The following GRP variants were observed in gnomAD, a reference collection of about 807,000 sequenced individuals.
GRP encodes the protein gastrin-releasing peptide.
A neutral mutation model predicts 12.7 loss-of-function variants in GRP; 11 were observed. That is an observed-to-expected ratio of 0.87 (90% CI 0.55 to 1.44). The LOEUF is 1.44. GRP is among the 40% of genes most tolerant of loss of function. GRP has a pLI of 0.00. For missense variants in GRP, 212 were observed against 185.4 expected (o/e 1.14, Z -0.83); for synonymous variants, 84 against 77.7 (o/e 1.08, Z -0.43).
chr18:59,222,769 A>G (rs1004081038), intron 1 of GRP, among the ~76,000 whole-genome samples: 1 of 152,270 alleles, frequency 6.6e-6, no homozygotes, highest in African/African-American at 2.4e-5. Context: ...TGAGAGAAGC[A>G]TGGTGCAGCA....
chr18:59,220,317 G>A lies in GRP; in HGVS notation c.52G>A (p.Ala18Thr). 6.7e-7 allele frequency: 1 copy of A among 1,500,712 alleles called. No individual in the cohort carries two copies. The highest frequency in any genetic ancestry group is 2.1e-5 in the Admixed American group (1 of 47,302). 93.0% of individuals were successfully genotyped at this position (1,500,712 alleles called of 1,614,324 possible). A position where few individuals can be genotyped will look rare whatever the true frequency, so the allele number is the denominator to read the frequency against. ...CCTGCTGGCGCTGGTCCTCTGCCTGGCGCCCCGGGGGCGAGCGGTCCCGCT... is the reference window on the plus strand; with the variant it reads ...CCTGCTGGCGCTGGTCCTCTGCCTGACGCCCCGGGGGCGAGCGGTCCCGCT... ...LVLLALVLCLAPRGRAVPLPA... is the reference protein window; with the variant it reads ...LVLLALVLCLTPRGRAVPLPA... Residue 18 changes from alanine to threonine, a missense_variant, in exon 1 of 3, where the codon GCG (alanine) becomes ACG (threonine). Physicochemically the swap from Ala to Thr is moderately conservative, Grantham distance 58. Coordinates refer to ENST00000256857, the MANE Select transcript of GRP (RefSeq NM_002091.5).
chr18:59,227,100 T>TC (rs1294830143), intron 2 of GRP, among the ~76,000 whole-genome samples: 3 of 141,486 alleles, frequency 2.1e-5, no homozygotes, highest in African/African-American at 5.5e-5. Flanking sequence ...TCTCTCTCTC[T>TC]TTTTTTTTTT....
rs557103902 is a variant in GRP at position 59,226,482 on chromosome 18, G to A, written c.382+748G>A. Among the ~76,000 whole-genome samples, 28 of 152,114 alleles carry A rather than the reference G, an allele frequency of 1.8e-4. 1 individual carries two copies. Among genetic ancestry groups the A allele is most frequent in the Admixed American group, 1.2e-3 (19 of 15,254 alleles). ...GTGGCTAGTTTTACTGAATATTTAC[G>A]ATAATCCAAGTATTGGGCTAAGCAG... On this transcript the variant is annotated intron_variant, in intron 2 of 2. Transcript: ENST00000256857.
intron 2 of GRP, among the ~76,000 whole-genome samples, chr18:59,227,891 T>G (rs1034600985): frequency 6.6e-6 from 1 of 152,138 alleles, no homozygotes; most frequent in African/African-American, 2.4e-5. Flanking sequence ...AGCAGTATAA[T>G]AGGATGGGTT....
chr18:59,220,528 C>T (rs1305561667), intron 1 of GRP, 124 bp downstream of exon 1: 4 of 820,652 alleles, frequency 4.9e-6, no homozygotes, highest in Non-Finnish European at 6.8e-6. Flanking sequence ...TTTGTTGTGA[C>T]CTTTCTATCG....
intron 1 of GRP, among the ~76,000 whole-genome samples, chr18:59,223,201 C>A (rs891982597): frequency 3.3e-5 from 5 of 152,078 alleles, no homozygotes; most frequent in African/African-American, 4.8e-5. Context: ...AAGTGCCTGT[C>A]TTTTGTCTAT....
chr18:59,219,486 GGGTATGGGAGTGGAGAGGAGGGGAA>G (rs1231254845), upstream of GRP, among the ~76,000 whole-genome samples: 4 of 76,310 alleles, frequency 5.2e-5, no homozygotes, highest in Non-Finnish European at 1.1e-4. Flanking sequence ...GGGGAGGGGA[GGGTATGGGAGTGGAGAGGAGGGGAA>G]GGGAGGGGAG....
chr18:59,220,115 C>CG (rs1235858878), upstream of GRP: 10 of 369,340 alleles, frequency 2.7e-5, 2 homozygotes, highest in Non-Finnish European at 4.8e-5. Context: ...CCAGCCCCCC[C>CG]GCCCGGGCTT....
Position 59,229,096 on chromosome 18 carries a change from A to G in GRP, c.383-1308A>G, listed in dbSNP as rs534451547. Among the ~76,000 whole-genome samples, 5 of 152,336 alleles carry G rather than the reference A, an allele frequency of 3.3e-5. No individual in the cohort carries two copies. The South Asian group carries it at 1.0e-3, about 32-fold the overall frequency. On this transcript the variant is annotated intron_variant, in intron 2 of 2. Coordinates refer to ENST00000256857, the MANE Select transcript of GRP (RefSeq NM_002091.5). ...TTTCTGAATATTTGAAATGCTCCAAAGGAAGTGCCAAATATAGAAAAAGCA... is the reference window on the plus strand; with the variant it reads ...TTTCTGAATATTTGAAATGCTCCAAGGGAAGTGCCAAATATAGAAAAAGCA...
chr18:59,222,154 T>C (rs1375424098), intron 1 of GRP, among the ~76,000 whole-genome samples: 1 of 152,208 alleles, frequency 6.6e-6, no homozygotes, highest in African/African-American at 2.4e-5. Context: ...ATCTATATTA[T>C]TGCACTAATA....
intron 2 of GRP, among the ~76,000 whole-genome samples, chr18:59,229,904 G>A (rs956598066): frequency 2.0e-5 from 3 of 152,152 alleles, no homozygotes; most frequent in African/African-American, 7.2e-5. Context: ...GGTTTGTAAT[G>A]TATAATTATG....
intron 2 of GRP, among the ~76,000 whole-genome samples, chr18:59,228,473 C>G (rs2144114237): frequency 6.6e-6 from 1 of 152,288 alleles, no homozygotes; most frequent in South Asian, 2.1e-4. Flanking sequence ...AATAAAACAT[C>G]AAGTACTGTT....
Position 59,225,673 on chromosome 18 carries a change from G to C in GRP, c.321G>C (p.Gln107His). Residue 107 changes from glutamine to histidine, a missense_variant, in exon 2 of 3, where the codon CAG becomes CAC. Coordinates refer to ENST00000256857, the MANE Select transcript of GRP (RefSeq NM_002091.5). ...CTCAACCCAAGGCCCTGGGCAATCA[G>C]CAGCCTTCGTGGGATTCAGAGGATA... ...QPPQPKALGNQQPSWDSEDSS... is the reference protein window; with the variant it reads ...QPPQPKALGNHQPSWDSEDSS... 6.2e-7 allele frequency: 1 copy of C among 1,613,946 alleles called. No individual in the cohort carries two copies. Among genetic ancestry groups the C allele is most frequent in the Middle Eastern group, 1.7e-4 (1 of 6,060 alleles).
At chr18:59,223,806 T>C (rs1273642600) in intron 1 of GRP, among the ~76,000 whole-genome samples, 1 of 152,144 alleles carries the variant, frequency 6.6e-6, no homozygotes, top group Non-Finnish European at 1.5e-5. Context: ...GCAAGGTTAT[T>C]GAGTGGCTAT....
chr18:59,219,488 GTATGGGAGTGGA>G (rs1362977036), upstream of GRP, among the ~76,000 whole-genome samples: 81 of 31,688 alleles, frequency 2.6e-3, 2 homozygotes, highest in Non-Finnish European at 3.4e-3. Context: ...GGAGGGGAGG[GTATGGGAGTGGA>G]GAGGAGGGGA....
rs572652426 is a variant in GRP at position 59,226,302 on chromosome 18, C to T, written c.382+568C>T. Among the ~76,000 whole-genome samples the T allele has an allele frequency of 1.3e-4, 20 of 152,158 alleles. No homozygotes were observed. In the South Asian group the frequency reaches 3.7e-3, roughly 28 times the overall value. ...TAGAGGATAGGGGAAAATAATTATA[C>T]TAAACTGGCAATGCTTAAAGACAGT... is the stretch of plus-strand genomic sequence containing the variant. On this transcript the variant is annotated intron_variant, in intron 2 of 2. Transcript: ENST00000256857.
intron 1 of GRP, among the ~76,000 whole-genome samples, chr18:59,222,516 C>T (rs1436783386): frequency 1.3e-5 from 2 of 152,100 alleles, no homozygotes; most frequent in East Asian, 1.9e-4. Flanking sequence ...AATTACCTTG[C>T]GGTTGAGAAA....
Position 59,230,406 on chromosome 18 carries a change from G to T in GRP, c.385G>T (p.Gly129Cys), listed in dbSNP as rs2070013535. 1.3e-6 allele frequency: 2 copies of T among 1,559,720 alleles called. No individual in the cohort carries two copies. The highest frequency in any genetic ancestry group is 1.8e-6 in the Non-Finnish European group (2 of 1,130,378). Residue 129 changes from glycine (G) to cysteine (C), a missense_variant and splice_region_variant, in exon 3 of 3, where the codon GGT becomes TGT. Physicochemically the swap from Gly to Cys is radical, Grantham distance 159 (BLOSUM62 -3). Coordinates refer to ENST00000256857, the MANE Select transcript of GRP (RefSeq NM_002091.5). ...FKDVGSKGKV[G>C]RLSAPGSQRE... ...AACTCTTTCTAATATTTCTTAAGTT[G>T]GTAGACTCTCTGCTCCAGGTTCTCA... is the stretch of plus-strand genomic sequence containing the variant.
chr18:59,229,269 C>T (rs987529967), intron 2 of GRP, among the ~76,000 whole-genome samples: 1 of 152,154 alleles, frequency 6.6e-6, no homozygotes, highest in Non-Finnish European at 1.5e-5. Context: ...CCTTGATCTT[C>T]CTAGGTTCCA....
Sources: gnomAD v4.1 joint callset for allele counts (sites outside exome capture counted in the v4.1 genomes callset) on GRCh38, gnomAD v4.1.1 for gene constraint, MANE v1.5 for transcripts, NCBI Gene and HGNC (gene_info 2026-07-23, HGNC 2026-07-21) for gene names.